Variants in SERPINE3 observed in about 807,000 individuals in gnomAD.
The protein encoded by SERPINE3 is serpin family E member 3.
SERPINE3 carries 43 observed loss-of-function variants against 41.7 expected under a neutral mutation model. The observed-to-expected ratio is 1.03, with a 90% confidence interval of 0.81 to 1.33. The LOEUF is 1.33. Among genes scored for constraint, SERPINE3 ranks in the 40% most tolerant of loss-of-function variants. The pLI, the probability that SERPINE3 is intolerant of heterozygous loss-of-function variation, is 0.00. For missense variants in SERPINE3, 440 were observed against 491.7 expected (o/e 0.89, Z 0.99); for synonymous variants, 200 against 192.2 (o/e 1.04, Z -0.34).
intron 4 of SERPINE3, among the ~76,000 whole-genome samples, chr13:51,346,313 G>A (rs1473160204): frequency 6.6e-6 from 1 of 152,128 alleles, no homozygotes; most frequent in Non-Finnish European, 1.5e-5. Context: ...GCTCAGCAGC[G>A]GGGCAGGGTG....
In SERPINE3 at chr13:51,364,571, C is replaced by T; in HGVS notation, c.*289C>T. The stretch of plus-strand genomic sequence containing the variant: ...AGTGAGTCAGGCCATAAGATTGCTT[C>T]CTCAGTACGGATACTCTAGGCCATG... On this transcript the variant is annotated 3_prime_UTR_variant, in exon 10 of 10. Transcript: ENST00000681248. 6.9e-6 allele frequency: 2 copies of T among 288,716 alleles called. No homozygotes were observed. The highest frequency in any genetic ancestry group is 1.3e-5 in the Non-Finnish European group (2 of 157,180). 17.9% of individuals were successfully genotyped at this position (288,716 alleles called of 1,614,324 possible). A position where few individuals can be genotyped will look rare whatever the true frequency, so the allele number is the denominator to read the frequency against.
intron 6 of SERPINE3, chr13:51,348,746 G>A (rs1218016067): frequency 7.3e-6 from 2 of 272,678 alleles, no homozygotes; most frequent in South Asian, 9.4e-5. Context: ...GGAAATGCTC[G>A]TGGTTCCCTT....
At chr13:51,342,178 C>CAAAAA (rs869298134) in intron 3 of SERPINE3, among the ~76,000 whole-genome samples, 372 of 59,696 alleles carry the variant, frequency 6.2e-3, no homozygotes, top group East Asian at 0.011. Flanking sequence ...AAAGACAGAA[C>CAAAAA]AAAAAAAAAA....
chr13:51,356,796 T>TA (rs1234921130), intron 7 of SERPINE3, among the ~76,000 whole-genome samples: 1 of 144,268 alleles, frequency 6.9e-6, no homozygotes, highest in Admixed American at 7.0e-5. Context: ...TTTTTTTTTT[T>TA]AACGCTATTC....
chr13:51,357,450 G>A (rs1040559399), intron 7 of SERPINE3, among the ~76,000 whole-genome samples: 1 of 152,070 alleles, frequency 6.6e-6, no homozygotes, highest in Non-Finnish European at 1.5e-5. Context: ...TCCAGTTTAC[G>A]AGGGATTACC....
intron 7 of SERPINE3, among the ~76,000 whole-genome samples, chr13:51,359,218 AG>A (rs1955524566): frequency 6.6e-6 from 1 of 152,054 alleles, no homozygotes; most frequent in Non-Finnish European, 1.5e-5. Flanking sequence ...CTTGACTTCT[AG>A]GTTCATTTCA....
chr13:51,358,281 C>A (rs991678668), intron 7 of SERPINE3, among the ~76,000 whole-genome samples: 7 of 151,998 alleles, frequency 4.6e-5, no homozygotes, highest in African/African-American at 1.4e-4. Flanking sequence ...CTGGCTACAG[C>A]AAATAATTGT....
chr13:51,355,606 C>G (rs995140497), intron 7 of SERPINE3, among the ~76,000 whole-genome samples: 1 of 152,094 alleles, frequency 6.6e-6, no homozygotes, highest in Non-Finnish European at 1.5e-5. Context: ...GTCCAATTTC[C>G]TTTTTTCAAA....
At chr13:51,348,572 GT>G in intron 6 of SERPINE3, 161 bp downstream of exon 6, 1 of 614,342 alleles carries the variant, frequency 1.6e-6, no homozygotes, top group Non-Finnish European at 2.9e-6. Flanking sequence ...TGACCCTAGA[GT>G]TTGAGTTCAT....
intron 5 of SERPINE3, among the ~76,000 whole-genome samples, chr13:51,347,966 C>T (rs77370085): frequency 6.6e-6 from 1 of 151,256 alleles, no homozygotes; most frequent in South Asian, 2.1e-4. Context: ...TCCCCCCCCC[C>T]ATACCCAGTC....
intron 7 of SERPINE3, 106 bp downstream of exon 7, chr13:51,355,249 T>G (rs1376676831): frequency 6.4e-6 from 3 of 466,438 alleles, no homozygotes; most frequent in Non-Finnish European, 1.1e-5. Context: ...TGTAAAAGAA[T>G]AAGAAAGGTG....
intron 4 of SERPINE3, 99 bp downstream of exon 4, chr13:51,344,584 T>C: frequency 1.1e-6 from 1 of 898,466 alleles, no homozygotes; most frequent in Non-Finnish European, 1.8e-6. Flanking sequence ...TCAGGCCACC[T>C]TCAATTACAG....
chr13:51,348,134 A>G, intron 5 of SERPINE3, 79 bp from the exon 6 acceptor site: 1 of 1,117,714 alleles, frequency 8.9e-7, no homozygotes, highest in Non-Finnish European at 1.3e-6. Context: ...CCTCTGAGCC[A>G]GCCTCTCTCA....
chr13:51,364,100 T>C lies in SERPINE3; in HGVS notation c.1172-139T>C. 3 of 424,324 alleles carry C rather than the reference T, an allele frequency of 7.1e-6. No individual in the cohort carries two copies. In the East Asian group the frequency reaches 1.1e-4, roughly 15 times the overall value. 26.3% of individuals were successfully genotyped at this position (424,324 alleles called of 1,614,324 possible). A position where few individuals can be genotyped will look rare whatever the true frequency, so the allele number is the denominator to read the frequency against. On this transcript the variant is annotated intron_variant, in intron 9 of 9. Transcript: ENST00000681248. ...CTCTCAATGAATTTAGCAATGTGACTACAGGCAATTACCTTAACAATTCCA... is the reference window on the plus strand; with the variant it reads ...CTCTCAATGAATTTAGCAATGTGACCACAGGCAATTACCTTAACAATTCCA...
intron 4 of SERPINE3, among the ~76,000 whole-genome samples, chr13:51,345,896 T>C (rs568302562): frequency 3.3e-5 from 5 of 152,116 alleles, no homozygotes; most frequent in Non-Finnish European, 5.9e-5. Context: ...GAGCACAGAG[T>C]CCAGAGCCAG....
intron 6 of SERPINE3, among the ~76,000 whole-genome samples, chr13:51,352,249 T>A (rs183553247): frequency 3.3e-5 from 5 of 152,252 alleles, no homozygotes; most frequent in African/African-American, 1.2e-4. Context: ...ACTCAGAATA[T>A]CTTTCCTTCC....
At chr13:51,361,957 C>G (rs1955586599) in intron 9 of SERPINE3, 64 bp downstream of exon 9, 1 of 1,611,504 alleles carries the variant, frequency 6.2e-7, no homozygotes, top group Non-Finnish European at 8.5e-7. Context: ...AACAAGGGCT[C>G]ATTTGTCCAC....
intron 3 of SERPINE3, 28 bp downstream of exon 3, chr13:51,341,375 ACTTACCCTC>A: frequency 6.4e-7 from 1 of 1,553,820 alleles, no homozygotes; most frequent in Admixed American, 1.9e-5. Flanking sequence ...GTGCACACTC[ACTTACCCTC>A]CTGTTCACAC....
Position 51,348,430 on chromosome 13 carries a change from C to G in SERPINE3, c.899+19C>G. The G allele has an allele frequency of 6.2e-7, 1 of 1,602,190 alleles. No individual in the cohort carries two copies. The highest frequency in any genetic ancestry group is 8.5e-7 in the Non-Finnish European group (1 of 1,172,206). ...TGCCCAGGTGAGCAGCTGAGTCCCC[C>G]TCACAGGTGCTGTGCAGCCAGCAGT... is the stretch of plus-strand genomic sequence containing the variant. On this transcript the variant is annotated intron_variant, in intron 6 of 9. Coordinates refer to ENST00000681248, the MANE Select transcript of SERPINE3 (RefSeq NM_001386375.1).
Sources: allele counts gnomAD v4.1 joint callset (sites outside exome capture counted in the v4.1 genomes callset), GRCh38; gene constraint gnomAD v4.1.1; transcripts MANE v1.5; gene names NCBI Gene and HGNC (gene_info 2026-07-23, HGNC 2026-07-21).